The following PGS1 variants were observed in gnomAD, a reference collection of about 807,000 sequenced individuals.
The protein encoded by PGS1 is CDP-diacylglycerol--glycerol-3-phosphate 3-phosphatidyltransferase, mitochondrial.
A neutral mutation model predicts 58.3 loss-of-function variants in PGS1; 44 were observed. That is an observed-to-expected ratio of 0.75 (90% CI 0.59 to 0.97). The LOEUF is 0.97. Among genes scored for constraint, PGS1 ranks in the 50% least tolerant of loss-of-function variants. The pLI is 0.00. For missense variants in PGS1, 684 were observed against 731.1 expected, an observed-to-expected ratio of 0.94 and a Z score of 0.74; for synonymous variants, 330 against 311.0, an observed-to-expected ratio of 1.06 and a Z score of -0.64.
At chr17:78,397,522 C>T (rs1333884014) in intron 3 of PGS1, among the ~76,000 whole-genome samples, 2 of 151,960 alleles carry the variant, frequency 1.3e-5, no homozygotes, top group Admixed American at 6.5e-5. Context: ...CCGCAACCTC[C>T]GCCTCCTGGG....
rs759939846 is a variant in PGS1 at position 78,400,776 on chromosome 17, C to T, written c.801C>T (p.Asp267=). ...EIADFFTELV[D]AVGDVSLQLQ... is the part of the protein sequence containing the mutation. ...CCGACTTCTTCACGGAGCTGGTGGA[C>T]GCGGTGGGGGATGTGTCCCTGCAGC... Residue 267 remains aspartate, a synonymous_variant, in exon 6 of 10, where the codon GAC becomes GAT. Transcript: ENST00000262764. The surrounding 1 kb of genome is among the most constrained non-coding windows in gnomAD (Gnocchi z 4.4). The T allele has an allele frequency of 1.1e-5, 17 of 1,613,712 alleles. No homozygotes were observed. Among genetic ancestry groups the T allele is most frequent in the South Asian group, 6.6e-5 (6 of 91,080 alleles).
At chr17:78,422,148 A>C (rs541016235) in intron 9 of PGS1, among the ~76,000 whole-genome samples, 5 of 152,318 alleles carry the variant, frequency 3.3e-5, no homozygotes, top group Admixed American at 2.0e-4. Context: ...GACTGAAGTG[A>C]GTTGCCCGGT....
At chr17:78,380,444 T>C (rs56205534) in intron 1 of PGS1, among the ~76,000 whole-genome samples, 23,217 of 152,214 alleles carry the variant, frequency 0.15, 2,126 homozygotes, top group African/African-American at 0.25. Flanking sequence ...TTTTAGGTGA[T>C]AGAATCAGGG....
chr17:78,389,669 A>C (rs2082675922), intron 1 of PGS1, among the ~76,000 whole-genome samples: 1 of 151,492 alleles, frequency 6.6e-6, no homozygotes, highest in South Asian at 2.1e-4. Flanking sequence ...GCTGGCATGC[A>C]GTGGTGCAAT....
chr17:78,415,799 T>C (rs765712507), intron 8 of PGS1, among the ~76,000 whole-genome samples: 42 of 152,232 alleles, frequency 2.8e-4, no homozygotes, highest in Non-Finnish European at 5.3e-4. Context: ...AATGGGAGCG[T>C]GTTACCCTTT....
intron 3 of PGS1, among the ~76,000 whole-genome samples, chr17:78,396,996 C>T (rs369745326): frequency 5.5e-4 from 84 of 152,352 alleles, no homozygotes; most frequent in Middle Eastern, 3.4e-3. Flanking sequence ...ACTAGACAAA[C>T]GGACCTGAGT....
chr17:78,419,464 G>GGGGCT, intron 8 of PGS1, 82 bp from the exon 9 acceptor site: 1 of 1,254,552 alleles, frequency 8.0e-7, no homozygotes, highest in Non-Finnish European at 1.2e-6. Context: ...GCTGGCCTGA[G>GGGGCT]GGGCTGGGCT....
At chr17:78,405,618 G>A (rs1380307612) in intron 7 of PGS1, among the ~76,000 whole-genome samples, 1 of 152,196 alleles carries the variant, frequency 6.6e-6, no homozygotes, top group Non-Finnish European at 1.5e-5. Context: ...CTTAGCAGTG[G>A]GCTTACTGCA....
intron 9 of PGS1, among the ~76,000 whole-genome samples, chr17:78,422,299 G>C (rs1018116128): frequency 1.3e-5 from 2 of 152,096 alleles, no homozygotes; most frequent in Admixed American, 6.5e-5. Flanking sequence ...TGGATTCCTT[G>C]GGCGCCAGGA....
At chr17:78,411,892 AG>A (rs1468969654) in intron 7 of PGS1, among the ~76,000 whole-genome samples, 2 of 132,020 alleles carry the variant, frequency 1.5e-5, no homozygotes, top group African/African-American at 5.6e-5. Flanking sequence ...ACAGAACTAA[AG>A]GGCTCCTGCT....
chr17:78,382,975 G>T (rs2082142766), intron 1 of PGS1, among the ~76,000 whole-genome samples: 1 of 152,112 alleles, frequency 6.6e-6, no homozygotes, highest in African/African-American at 2.4e-5. Context: ...TGGAGTAGAT[G>T]AGACCAAGTG....
chr17:78,405,032 C>T (rs2084006779), intron 7 of PGS1, among the ~76,000 whole-genome samples: 1 of 149,504 alleles, frequency 6.7e-6, no homozygotes, highest in Non-Finnish European at 1.5e-5. Context: ...GAGTCTTGCT[C>T]TGTTGCCCAG....
chr17:78,412,257 G>A (rs554860268), intron 7 of PGS1, among the ~76,000 whole-genome samples: 86 of 152,230 alleles, frequency 5.6e-4, no homozygotes, highest in African/African-American at 2.0e-3. Flanking sequence ...GCCTGTGGTC[G>A]TTATTTTCTT....
At chr17:78,387,204 A>G (rs1354454485) in intron 1 of PGS1, among the ~76,000 whole-genome samples, 1 of 151,396 alleles carries the variant, frequency 6.6e-6, no homozygotes, top group South Asian at 2.1e-4. Context: ...GGGTTTTGCC[A>G]TGTTGGCTAG....
At chr17:78,409,702 G>A (rs548858062) in intron 7 of PGS1, among the ~76,000 whole-genome samples, 1 of 152,334 alleles carries the variant, frequency 6.6e-6, no homozygotes, top group Admixed American at 6.5e-5. Flanking sequence ...TCCCCTCCGT[G>A]TTTTTACTGG....
At chr17:78,402,425 T>C (rs112784789) in intron 6 of PGS1, among the ~76,000 whole-genome samples, 379 of 4,356 alleles carry the variant, frequency 0.087, 1 homozygote, top group Non-Finnish European at 0.13. Flanking sequence ...TATATATATA[T>C]ATACACACAC....
Position 78,424,349 on chromosome 17 carries a change from G to C in PGS1, c.*299G>C, listed in dbSNP as rs972080782. 4.9e-6 allele frequency: 3 copies of C among 617,178 alleles called. No homozygotes were observed. The highest frequency in any genetic ancestry group is 1.8e-5 in the African/African-American group (1 of 54,492). The allele number at this position is 617,178 out of a possible 1,614,324, so 38.2% of individuals were successfully genotyped here. ...CTGCATGTTGTAACTACCCCGTCCCGCTGGGCTCAAGGAACAGCTCAGCTA... is the reference window on the plus strand; with the variant it reads ...CTGCATGTTGTAACTACCCCGTCCCCCTGGGCTCAAGGAACAGCTCAGCTA... On this transcript the variant is annotated 3_prime_UTR_variant, in exon 10 of 10. Transcript: ENST00000262764.
intron 8 of PGS1, among the ~76,000 whole-genome samples, chr17:78,415,598 C>T (rs560652543): frequency 3.9e-5 from 6 of 152,352 alleles, no homozygotes; most frequent in Non-Finnish European, 7.3e-5. Flanking sequence ...TGCCATTGCA[C>T]TCCAGCCTGG....
At chr17:78,415,107 C>T in intron 8 of PGS1, 80 bp downstream of exon 8, 1 of 1,527,260 alleles carries the variant, frequency 6.5e-7, no homozygotes, top group Non-Finnish European at 9.0e-7. Context: ...GTGGGGCTGC[C>T]CTGAGAGCTG....
Sources: allele counts gnomAD v4.1 joint callset (sites outside exome capture counted in the v4.1 genomes callset), GRCh38; gene constraint gnomAD v4.1.1; non-coding constraint Gnocchi (gnomAD v3.1); transcripts MANE v1.5; gene names NCBI Gene and HGNC (gene_info 2026-07-23, HGNC 2026-07-21).